Variants in PHACTR1 observed in about 807,000 individuals in gnomAD.
The protein encoded by PHACTR1 is phosphatase and actin regulator 1, also known as RPEL repeat containing 1.
Under a neutral mutation model 69.2 loss-of-function variants are expected in PHACTR1, and 16 were observed. The ratio of observed to expected loss-of-function variants is 0.23; its 90% CI spans 0.16 to 0.35. The LOEUF (loss-of-function observed/expected upper bound fraction) is 0.35. PHACTR1 is among the 10% of genes least tolerant of loss of function. PHACTR1 has a pLI of 1.00. For synonymous variants in PHACTR1, 312 were observed against 284.5 expected (o/e 1.10, Z -0.97); for missense variants, 510 against 734.7 (o/e 0.69, Z 3.54).
In PHACTR1 at chr6:12,868,241, G is replaced by A. The variant is rs143695736; in HGVS notation, c.250+118451G>A. ...CACTGCACTCCAGCCTGGCAACAGG[G>A]CGAGACTCTATCTCAAAAAGAAAAA... On this transcript the variant is annotated intron_variant, in intron 4 of 14. Transcript: ENST00000332995. Among the ~76,000 whole-genome samples the A allele has an allele frequency of 4.8e-3, 699 of 144,134 alleles. 2 individuals are homozygous for A. The highest frequency in any genetic ancestry group is 0.017 in the African/African-American group (667 of 38,574). The allele number at this position is 144,134 out of a possible 152,430, so 94.6% of individuals were successfully genotyped here.
At chr6:12,879,731 T>G (rs1292019306) in intron 4 of PHACTR1, among the ~76,000 whole-genome samples, 1 of 152,162 alleles carries the variant, frequency 6.6e-6, no homozygotes, top group African/African-American at 2.4e-5. Context: ...TTATTCCCAT[T>G]TTTTTCAGAT....
chr6:13,021,859 G>A (rs1465126384), intron 4 of PHACTR1, among the ~76,000 whole-genome samples: 1 of 152,186 alleles, frequency 6.6e-6, no homozygotes, highest in African/African-American at 2.4e-5. Flanking sequence ...ACACTTTATA[G>A]CTTGTGTATC....
At chr6:12,840,211 GAC>G (rs1459382989) in intron 4 of PHACTR1, among the ~76,000 whole-genome samples, 17 of 152,162 alleles carry the variant, frequency 1.1e-4, no homozygotes, top group African/African-American at 4.1e-4. Context: ...ACAGATCACT[GAC>G]TTTGAAAATT....
At chr6:12,943,093 T>C (rs960450104) in intron 4 of PHACTR1, among the ~76,000 whole-genome samples, 2 of 152,210 alleles carry the variant, frequency 1.3e-5, no homozygotes, top group East Asian at 1.9e-4. Context: ...TTACTCACAA[T>C]AGCCAAAAGG....
intron 5 of PHACTR1, among the ~76,000 whole-genome samples, chr6:13,141,343 C>G (rs1822402322): frequency 6.6e-6 from 1 of 152,164 alleles, no homozygotes; most frequent in Non-Finnish European, 1.5e-5. Flanking sequence ...TATTATGGAA[C>G]AAAGCTCCAT....
intron 4 of PHACTR1, among the ~76,000 whole-genome samples, chr6:12,893,400 C>A (rs1409752612): frequency 6.6e-6 from 1 of 152,210 alleles, no homozygotes; most frequent in Non-Finnish European, 1.5e-5. Flanking sequence ...CATCCATCAA[C>A]AATTTTTTTA....
Position 13,040,576 on chromosome 6 carries a change from C to G in PHACTR1, c.251-12789C>G, listed in dbSNP as rs867584786. On this transcript the variant is annotated intron_variant, in intron 4 of 14. Transcript: ENST00000332995. ...GGCTTGGTTAGTTTCATTGATGAGT[C>G]TTATTGGATAGTCATTAGCTGCTCT... 7.9e-5 allele frequency among the ~76,000 whole-genome samples: 12 copies of G among 152,228 alleles called. No individual in the cohort carries two copies. In the South Asian group the frequency reaches 1.0e-3, roughly 13 times the overall value.
chr6:13,115,139 T>TC (rs1817621845), intron 5 of PHACTR1, among the ~76,000 whole-genome samples: 1 of 152,220 alleles, frequency 6.6e-6, no homozygotes, highest in Non-Finnish European at 1.5e-5. Context: ...AAGAGAACTG[T>TC]ATGAGATCCT....
At chr6:12,747,192 A>G (rs984176134) in intron 3 of PHACTR1, among the ~76,000 whole-genome samples, 28 of 152,192 alleles carry the variant, frequency 1.8e-4, no homozygotes, top group African/African-American at 6.0e-4. Context: ...AGTCAAATAT[A>G]TATACTTAGC....
intron 4 of PHACTR1, among the ~76,000 whole-genome samples, chr6:12,854,778 T>C (rs75111024): frequency 6.6e-5 from 10 of 152,192 alleles, no homozygotes; most frequent in African/African-American, 2.4e-4. Context: ...AAGAAACATA[T>C]GAAACAATGC....
intron 5 of PHACTR1, among the ~76,000 whole-genome samples, chr6:13,152,126 A>G (rs1256395777): frequency 1.3e-5 from 2 of 152,154 alleles, no homozygotes; most frequent in Non-Finnish European, 2.9e-5. Flanking sequence ...TGAAGTCAGG[A>G]GTTTGAGACC....
intron 8 of PHACTR1, among the ~76,000 whole-genome samples, chr6:13,210,247 T>G (rs11757262): frequency 0.018 from 2,756 of 152,256 alleles, 85 homozygotes; most frequent in African/African-American, 0.059. Context: ...ACTCATAGTC[T>G]AAAGTGATCA....
At chr6:12,778,362 A>T (rs1770360274) in intron 4 of PHACTR1, among the ~76,000 whole-genome samples, 1 of 152,238 alleles carries the variant, frequency 6.6e-6, no homozygotes, top group African/African-American at 2.4e-5. Flanking sequence ...TTAAAATGTG[A>T]ATATGGTACT....
intron 6 of PHACTR1, among the ~76,000 whole-genome samples, chr6:13,174,794 C>A (rs564582204): frequency 2.6e-5 from 4 of 152,248 alleles, no homozygotes; most frequent in Non-Finnish European, 4.4e-5. Flanking sequence ...AGGGACTTCA[C>A]ACAAGTTATT....
intron 6 of PHACTR1, among the ~76,000 whole-genome samples, chr6:13,161,963 G>A (rs16869294): frequency 0.22 from 33,730 of 152,084 alleles, 4,805 homozygotes; most frequent in East Asian, 0.42. Flanking sequence ...TTTATCCATC[G>A]ATTTCTGTGT....
At chr6:13,253,798 T>A (rs915494611) in intron 10 of PHACTR1, among the ~76,000 whole-genome samples, 2 of 152,228 alleles carry the variant, frequency 1.3e-5, no homozygotes, top group Non-Finnish European at 2.9e-5. Flanking sequence ...GACGTGGACA[T>A]CTGTGCCTCC....
At position 12,758,921 on chromosome 6, in the gene PHACTR1, G is replaced by A. The variant is rs185807349; in HGVS notation, c.250+9131G>A. Among the ~76,000 whole-genome samples the A allele has an allele frequency of 3.9e-3, 596 of 151,938 alleles. 2 individuals are homozygous for A. Among genetic ancestry groups the A allele is most frequent in the Non-Finnish European group, 6.4e-3 (438 of 67,936 alleles). ...GTGGATCACTTGAGGTCAGGAGTTCGAGACCAGCCTAGCCAACATGGTGAA... is the reference window on the plus strand; with the variant it reads ...GTGGATCACTTGAGGTCAGGAGTTCAAGACCAGCCTAGCCAACATGGTGAA... On this transcript the variant is annotated intron_variant, in intron 4 of 14. Transcript: ENST00000332995.
chr6:13,131,178 T>TACAC lies in PHACTR1; in HGVS notation c.416-29014_416-29011dup, dbSNP rs61143569. ...ATATATGTATATATATGTGTGTATA[T>TACAC]ACACACACACACACATATATATATA... On this transcript the variant is annotated intron_variant, in intron 5 of 14. Coordinates refer to ENST00000332995, the MANE Select transcript of PHACTR1 (RefSeq NM_030948.6). Among the ~76,000 whole-genome samples, 675 of 94,644 alleles carry TACAC rather than the reference T, an allele frequency of 7.1e-3. 6 individuals carry two copies. Among genetic ancestry groups the TACAC allele is most frequent in the Non-Finnish European group, 0.01 (449 of 43,484 alleles). 62.1% of individuals were successfully genotyped at this position (94,644 alleles called of 152,430 possible). A position where few individuals can be genotyped will look rare whatever the true frequency, so the allele number is the denominator to read the frequency against.
intron 4 of PHACTR1, among the ~76,000 whole-genome samples, chr6:13,046,809 TAAAA>T (rs5874398): frequency 0.13 from 18,736 of 146,146 alleles, 3,305 homozygotes; most frequent in African/African-American, 0.4. Flanking sequence ...TTTTACTCTT[TAAAA>T]AAAAAAAAAA....
Sources: gnomAD v4.1 joint callset for allele counts (sites outside exome capture counted in the v4.1 genomes callset) on GRCh38, gnomAD v4.1.1 for gene constraint, MANE v1.5 for transcripts, NCBI Gene and HGNC (gene_info 2026-07-23, HGNC 2026-07-21) for gene names.